The following RBX1 variants were observed in gnomAD, a reference collection of about 807,000 sequenced individuals.
RBX1 encodes ring-box 1.
For missense variants in RBX1, 46 were observed against 141.4 expected, an observed-to-expected ratio of 0.33 and a Z score of 3.42; for synonymous variants, 48 against 47.9, an observed-to-expected ratio of 1.00 and a Z score of -0.01.
intron 2 of RBX1, among the ~76,000 whole-genome samples, chr22:40,961,562 C>T (rs956946165): frequency 1.3e-5 from 2 of 150,960 alleles, no homozygotes; most frequent in African/African-American, 2.4e-5. Flanking sequence ...TACAGGTGCC[C>T]GCCACCACGC....
intron 1 of RBX1, among the ~76,000 whole-genome samples, chr22:40,951,955 T>G (rs943798282): frequency 2.0e-5 from 3 of 152,016 alleles, no homozygotes; most frequent in Non-Finnish European, 4.4e-5. Flanking sequence ...TTTTGAAGCT[T>G]GGGGTCCTCT....
intron 2 of RBX1, 62 bp downstream of exon 2, chr22:40,953,695 A>C: frequency 2.6e-6 from 3 of 1,152,826 alleles, no homozygotes; most frequent in Non-Finnish European, 3.9e-6. Context: ...GGCTATCTTG[A>C]TGTGACTGAT....
At chr22:40,951,584 T>C in intron 1 of RBX1, 108 bp downstream of exon 1, 1 of 1,047,642 alleles carries the variant, frequency 9.5e-7, no homozygotes, top group Non-Finnish European at 1.4e-6. Flanking sequence ...TTCAGGGCGT[T>C]CCTGGGACCG....
chr22:40,967,049 CTT>C (rs1406808340), intron 3 of RBX1: 1 of 152,154 alleles, frequency 6.6e-6, no homozygotes, highest in Non-Finnish European at 1.5e-5. Context: ...CTTTTTACTT[CTT>C]GTCTTGATTA....
At chr22:40,969,320 CCCTAT>C in intron 4 of RBX1, among the ~76,000 whole-genome samples, 1 of 152,298 alleles carries the variant, frequency 6.6e-6, no homozygotes, top group Non-Finnish European at 1.5e-5. Flanking sequence ...CAAAGTCAGT[CCCTAT>C]TGGTGGACAT....
Position 40,972,728 on chromosome 22 carries a change from C to A in RBX1, c.*240C>A. 1 of 464,342 alleles carries A rather than the reference C, an allele frequency of 2.2e-6. No homozygotes were observed. The highest frequency in any genetic ancestry group is 3.9e-6 in the Non-Finnish European group (1 of 254,038). The allele number at this position is 464,342 out of a possible 1,614,324, so 28.8% of individuals were successfully genotyped here. A position where few individuals can be genotyped will look rare whatever the true frequency, so the allele number is the denominator to read the frequency against. On this transcript the variant is annotated 3_prime_UTR_variant, in exon 5 of 5. Coordinates refer to ENST00000216225, the MANE Select transcript of RBX1 (RefSeq NM_014248.4). ...AAATGAAGAGTCTCCCCTTCCAAGG[C>A]TGAAAACTCAGCTTTTGAAAGTGAA...
intron 4 of RBX1, among the ~76,000 whole-genome samples, chr22:40,968,814 T>C (rs1254132019): frequency 1.3e-5 from 2 of 151,782 alleles, no homozygotes; most frequent in Non-Finnish European, 2.9e-5. Flanking sequence ...ATATTTTTGT[T>C]AACATAAAAG....
intron 2 of RBX1, among the ~76,000 whole-genome samples, chr22:40,955,965 T>G (rs899904909): frequency 1.3e-5 from 2 of 152,242 alleles, no homozygotes; most frequent in African/African-American, 4.8e-5. Context: ...TTTCTCGGCC[T>G]TGCATTTTCA....
chr22:40,955,514 TA>T (rs71695312), intron 2 of RBX1, among the ~76,000 whole-genome samples: 8,934 of 150,066 alleles, frequency 0.06, 830 homozygotes, highest in African/African-American at 0.2. Flanking sequence ...GTAATTGATG[TA>T]AAAAAAAAAT....
Position 40,960,323 on chromosome 22 carries a change from G to A in RBX1, c.158-3724G>A, listed in dbSNP as rs147427799. Among the ~76,000 whole-genome samples, 878 of 152,238 alleles carry A rather than the reference G, an allele frequency of 5.8e-3. 5 individuals are homozygous for A. Among genetic ancestry groups the A allele is most frequent in the Non-Finnish European group, 9.2e-3 (627 of 68,018 alleles). ...ATTGATGTGTTAAGAGTGCCTGAAG[G>A]AGAGGAAAATGACTCAGGGTGGAAG... On this transcript the variant is annotated intron_variant, in intron 2 of 4. Transcript: ENST00000216225.
At chr22:40,972,371 A>C in intron 4 of RBX1, 105 bp from the exon 5 acceptor site, 1 of 806,046 alleles carries the variant, frequency 1.2e-6, no homozygotes, top group Non-Finnish European at 2.1e-6. Context: ...GCACACTGTG[A>C]TCACTTAGGT....
chr22:40,952,943 A>T (rs1413172232), intron 1 of RBX1, among the ~76,000 whole-genome samples: 1 of 151,290 alleles, frequency 6.6e-6, no homozygotes, highest in Non-Finnish European at 1.5e-5. Flanking sequence ...GCTCTTCTGC[A>T]ACTGCCACCA....
At chr22:40,968,583 G>A (rs1198582991) in intron 4 of RBX1, among the ~76,000 whole-genome samples, 1 of 152,054 alleles carries the variant, frequency 6.6e-6, no homozygotes, top group East Asian at 1.9e-4. Context: ...TAGCATTTAT[G>A]GCTATCCTGA....
chr22:40,951,595 G>A (rs1028450184), intron 1 of RBX1, 119 bp downstream of exon 1: 14 of 951,400 alleles, frequency 1.5e-5, no homozygotes, highest in Non-Finnish European at 2.0e-5. Context: ...CCTGGGACCG[G>A]GTACCACGAA....
intron 3 of RBX1, chr22:40,966,607 C>G (rs1028761941): frequency 6.6e-6 from 1 of 152,140 alleles, no homozygotes; most frequent in South Asian, 2.1e-4. Context: ...TTGGGTATCC[C>G]TAGTGTACTA....
At chr22:40,962,696 A>G (rs1569044307) in intron 2 of RBX1, among the ~76,000 whole-genome samples, 1 of 143,096 alleles carries the variant, frequency 7.0e-6, no homozygotes, top group Non-Finnish European at 1.5e-5. Flanking sequence ...TTTTATTTTT[A>G]TTTATTTATT....
At chr22:40,959,107 C>T (rs1296123140) in intron 2 of RBX1, among the ~76,000 whole-genome samples, 2 of 152,202 alleles carry the variant, frequency 1.3e-5, no homozygotes, top group African/African-American at 4.8e-5. Flanking sequence ...TGAGCCACCA[C>T]GCCCGGCCCC....
intron 3 of RBX1, chr22:40,966,511 T>G (rs1391710526): frequency 6.6e-6 from 1 of 152,208 alleles, no homozygotes; most frequent in Non-Finnish European, 1.5e-5. Flanking sequence ...AATTTTGCTC[T>G]TTCTCTTTTT....
At chr22:40,960,176 T>G (rs142833491) in intron 2 of RBX1, among the ~76,000 whole-genome samples, 33 of 152,282 alleles carry the variant, frequency 2.2e-4, no homozygotes, top group African/African-American at 7.5e-4. Flanking sequence ...TAGTTTTTGT[T>G]TGCTTGTTCA....
Sources: allele counts gnomAD v4.1 joint callset (sites outside exome capture counted in the v4.1 genomes callset), GRCh38; gene constraint gnomAD v4.1.1; transcripts MANE v1.5; gene names NCBI Gene and HGNC (gene_info 2026-07-23, HGNC 2026-07-21).